Variants in HS6ST3 observed in about 807,000 individuals in gnomAD.
HS6ST3 encodes heparan sulfate 6-O-sulfotransferase 3.
HS6ST3 carries 12 observed loss-of-function variants against 36.7 expected under a neutral mutation model. That is an observed-to-expected ratio of 0.33 (90% CI 0.21 to 0.53). The LOEUF (loss-of-function observed/expected upper bound fraction) is 0.53. HS6ST3 is among the 20% of genes least tolerant of loss of function. The pLI is 0.95. For synonymous variants in HS6ST3, 240 were observed against 257.5 expected, an observed-to-expected ratio of 0.93 and a Z score of 0.65; for missense variants, 584 against 640.9, an observed-to-expected ratio of 0.91 and a Z score of 0.96.
chr13:96,696,813 A>G (rs376644639), intron 1 of HS6ST3, among the ~76,000 whole-genome samples: 84 of 152,274 alleles, frequency 5.5e-4, no homozygotes, highest in Non-Finnish European at 8.8e-4. Context: ...CTCATTTGGC[A>G]TTTAGAAGGG....
chr13:96,688,163 A>G (rs1029038518), intron 1 of HS6ST3, among the ~76,000 whole-genome samples: 4 of 150,542 alleles, frequency 2.7e-5, no homozygotes, highest in African/African-American at 7.4e-5. Flanking sequence ...GCACATGTAT[A>G]CATATGTAAC....
intron 1 of HS6ST3, among the ~76,000 whole-genome samples, chr13:96,211,297 T>C (rs2054397821): frequency 6.6e-6 from 1 of 152,136 alleles, no homozygotes; most frequent in Non-Finnish European, 1.5e-5. Flanking sequence ...CAGCCATGGG[T>C]CTTCTAGAAA....
At chr13:96,370,906 A>C (rs1280608144) in intron 1 of HS6ST3, among the ~76,000 whole-genome samples, 2 of 152,216 alleles carry the variant, frequency 1.3e-5, no homozygotes, top group African/African-American at 2.4e-5. Context: ...TCAAAGAATA[A>C]ATAAATAAAA....
chr13:96,749,391 A>T (rs999676517), intron 1 of HS6ST3, among the ~76,000 whole-genome samples: 2 of 152,106 alleles, frequency 1.3e-5, no homozygotes, highest in Non-Finnish European at 2.9e-5. Context: ...TATAGTTTGG[A>T]TTATACATAT....
At chr13:96,372,599 G>A (rs1190402211) in intron 1 of HS6ST3, among the ~76,000 whole-genome samples, 4 of 152,042 alleles carry the variant, frequency 2.6e-5, no homozygotes, top group Admixed American at 6.6e-5. Context: ...TTTTCTTCTA[G>A]GAATTTTATG....
At chr13:96,302,344 A>G (rs898923792) in intron 1 of HS6ST3, among the ~76,000 whole-genome samples, 1 of 152,222 alleles carries the variant, frequency 6.6e-6, no homozygotes, top group Non-Finnish European at 1.5e-5. Context: ...GACTGATTAA[A>G]TAAATTATTA....
At chr13:96,713,096 T>G (rs1875601756) in intron 1 of HS6ST3, among the ~76,000 whole-genome samples, 1 of 152,190 alleles carries the variant, frequency 6.6e-6, no homozygotes, top group African/African-American at 2.4e-5. Context: ...TGTGCTAAAT[T>G]TTCTTGGCCT....
chr13:96,561,407 G>A (rs952118436), intron 1 of HS6ST3, among the ~76,000 whole-genome samples: 5 of 152,110 alleles, frequency 3.3e-5, no homozygotes, highest in African/African-American at 7.2e-5. Flanking sequence ...AGATTTAAAT[G>A]TAAGACCTCA....
At chr13:96,329,207 T>G (rs2139419393) in intron 1 of HS6ST3, among the ~76,000 whole-genome samples, 1 of 147,232 alleles carries the variant, frequency 6.8e-6, no homozygotes, top group Non-Finnish European at 1.5e-5. Context: ...TTTTAGTTAT[T>G]TCTTGCCTTC....
intron 1 of HS6ST3, among the ~76,000 whole-genome samples, chr13:96,792,855 A>G (rs1364481440): frequency 6.6e-6 from 1 of 152,012 alleles, no homozygotes; most frequent in Admixed American, 6.6e-5. Context: ...GTGGTGGCAT[A>G]TGTTTATTAA....
chr13:96,187,141 A>G (rs1425458772), intron 1 of HS6ST3, among the ~76,000 whole-genome samples: 4 of 152,210 alleles, frequency 2.6e-5, no homozygotes, highest in African/African-American at 9.6e-5. Flanking sequence ...AGCATTTTGC[A>G]GGTAAAAAGA....
At chr13:96,153,674 TGTG>T (rs2054097744) in intron 1 of HS6ST3, among the ~76,000 whole-genome samples, 1 of 152,236 alleles carries the variant, frequency 6.6e-6, no homozygotes, top group South Asian at 2.1e-4. Context: ...TCTACCTAAA[TGTG>T]ATTTCTTCTA....
Position 96,508,506 on chromosome 13 carries a change from T to G in HS6ST3, c.708-323984T>G, listed in dbSNP as rs569958195. Among the ~76,000 whole-genome samples the G allele has an allele frequency of 2.8e-4, 43 of 152,156 alleles. 1 individual carries two copies. Among genetic ancestry groups the G allele is most frequent in the Admixed American group, 9.8e-4 (15 of 15,268 alleles). On this transcript the variant is annotated intron_variant, in intron 1 of 1. Coordinates refer to ENST00000376705, the MANE Select transcript of HS6ST3 (RefSeq NM_153456.4). ...GTGTACATCGTACCTAATGTGTAGT[T>G]TTTTGTATCCCTAAGCCCCTTCCAA...
chr13:96,152,466 T>C (rs1297553301), intron 1 of HS6ST3, among the ~76,000 whole-genome samples: 1 of 151,840 alleles, frequency 6.6e-6, no homozygotes, highest in Admixed American at 6.6e-5. Flanking sequence ...GCCTCCTGAG[T>C]AGCTGGGACT....
At chr13:96,526,490 C>G (rs2138931462) in intron 1 of HS6ST3, among the ~76,000 whole-genome samples, 1 of 152,304 alleles carries the variant, frequency 6.6e-6, no homozygotes, top group South Asian at 2.1e-4. Flanking sequence ...TGTTCTAATC[C>G]TCTCCAAATT....
intron 1 of HS6ST3, among the ~76,000 whole-genome samples, chr13:96,448,175 A>G (rs918165973): frequency 2.6e-5 from 4 of 151,990 alleles, no homozygotes; most frequent in African/African-American, 9.7e-5. Flanking sequence ...TATGCAACTT[A>G]TTTTTTCTCT....
chr13:96,100,021 G>T (rs764406986), intron 1 of HS6ST3, among the ~76,000 whole-genome samples: 5 of 152,090 alleles, frequency 3.3e-5, no homozygotes, highest in African/African-American at 7.2e-5. Context: ...CCAAGAAAGA[G>T]ATATCACACA....
intron 1 of HS6ST3, among the ~76,000 whole-genome samples, chr13:96,375,582 G>A (rs2055310780): frequency 6.6e-6 from 1 of 152,134 alleles, no homozygotes; most frequent in African/African-American, 2.4e-5. Context: ...CCTGTGACCT[G>A]GGTCAGTGTG....
chr13:96,161,884 A>T (rs904486400), intron 1 of HS6ST3, among the ~76,000 whole-genome samples: 9 of 152,230 alleles, frequency 5.9e-5, no homozygotes, highest in African/African-American at 2.2e-4. Context: ...GTTATTACAC[A>T]AGGATTTGCT....
Sources: allele counts gnomAD v4.1 joint callset (sites outside exome capture counted in the v4.1 genomes callset), GRCh38; gene constraint gnomAD v4.1.1; transcripts MANE v1.5; gene names NCBI Gene and HGNC (gene_info 2026-07-23, HGNC 2026-07-21).